SMARCD2: variants seen among roughly 807,000 people sequenced by gnomAD.
SMARCD2 encodes the protein SWI/SNF related BAF chromatin remodeling complex subunit D2.
Under a neutral mutation model 70.4 loss-of-function variants are expected in SMARCD2, and 39 were observed. The observed-to-expected ratio is 0.55, with a 90% CI of 0.43 to 0.72. The LOEUF is 0.72. Among genes scored for constraint, SMARCD2 ranks in the 30% least tolerant of loss-of-function variants. The pLI, the probability that SMARCD2 is intolerant of heterozygous loss-of-function variation, is 0.00. For missense variants in SMARCD2, 540 were observed against 713.4 expected (o/e 0.76, Z 2.77); for synonymous variants, 249 against 279.4 (o/e 0.89, Z 1.08).
chr17:63,833,883 C>T lies in SMARCD2; in HGVS notation c.1181+26G>A. ...AGGGTGAATCTGCTCTTAGAAGAGC[C>T]TTCCTGTCCCCCTCCTTGCATTTAC... On this transcript the variant is annotated intron_variant, in intron 9 of 12. Coordinates refer to ENST00000448276, the MANE Select transcript of SMARCD2 (RefSeq NM_001098426.2). This position sits in a 1 kb window ranked among gnomAD's most constrained non-coding sequence, Gnocchi z 4.3. 2.5e-6 allele frequency: 4 copies of T among 1,568,758 alleles called. No homozygotes were observed. Among genetic ancestry groups the T allele is most frequent in the Non-Finnish European group, 3.5e-6 (4 of 1,139,338 alleles).
chr17:63,840,481 GT>G (rs1322379376), intron 1 of SMARCD2, among the ~76,000 whole-genome samples: 1 of 151,868 alleles, frequency 6.6e-6, no homozygotes, highest in East Asian at 1.9e-4. Context: ...TGCCCTGGAG[GT>G]TTTTTTCTTT....
chr17:63,833,211 C>T lies in SMARCD2; in HGVS notation c.1441-41G>A, dbSNP rs751171886. On this transcript the variant is annotated intron_variant, in intron 11 of 12. Coordinates refer to ENST00000448276, the MANE Select transcript of SMARCD2 (RefSeq NM_001098426.2). This position sits in a 1 kb window ranked among gnomAD's most constrained non-coding sequence, Gnocchi z 4.3. ...AGGAAAGCCATAGCATAATCCCCACCCCTGGGCTAATCCACCCTGGGAACT... is the reference window on the plus strand; with the variant it reads ...AGGAAAGCCATAGCATAATCCCCACTCCTGGGCTAATCCACCCTGGGAACT... 5.6e-6 allele frequency: 9 copies of T among 1,610,476 alleles called. No homozygotes were observed. The highest frequency in any genetic ancestry group is 6.8e-6 in the Non-Finnish European group (8 of 1,177,518).
At position 63,835,417 on chromosome 17, in the gene SMARCD2, C is replaced by T; in HGVS notation, c.718G>A (p.Asp240Asn). The change falls in exon 5 of 13, where the codon GAT (aspartate) becomes AAT (asparagine). Residue 240 changes from aspartate to asparagine, a missense_variant. Physicochemically the swap from Asp to Asn is conservative, Grantham distance 23. Transcript: ENST00000448276. ...WELRVEGKLL[D>N]DPSKQKRKFS... The stretch of plus-strand genomic sequence containing the variant: ...AACCTCCCTCCCCAACTCACATCAT[C>T]CAGCAGTTTTCCTTCCACTCGGAGT... 1 of 1,613,076 alleles carries T rather than the reference C, an allele frequency of 6.2e-7. No homozygotes were observed. Among genetic ancestry groups the T allele is most frequent in the Non-Finnish European group, 8.5e-7 (1 of 1,179,318 alleles).
chr17:63,836,597 C>A, intron 4 of SMARCD2: 1 of 186,414 alleles, frequency 5.4e-6, no homozygotes, highest in Non-Finnish European at 1.1e-5. Flanking sequence ...GGTTTTCAAA[C>A]TTTTGACCAC....
rs781146536 is a variant in SMARCD2, at chr17:63,834,303, C to T, written c.947G>A (p.Arg316Gln). The T allele has an allele frequency of 4.3e-6, 7 of 1,612,264 alleles. No homozygotes were observed. The highest frequency in any genetic ancestry group is 2.7e-5 in the African/African-American group (2 of 74,896). The change falls in exon 8 of 13, where the codon CGA (arginine) becomes CAA (glutamine). Residue 316 changes from arginine to glutamine, a missense_variant. Physicochemically the swap from Arg to Gln is conservative, Grantham distance 43. Transcript: ENST00000448276. This position sits in a 1 kb window ranked among gnomAD's most constrained non-coding sequence, Gnocchi z 5.6. ...GTGCACTCCCAGCAGCCTTGCCAATCGGGGGTCCAATTTGTACTGGGGAGG... is the reference window on the plus strand; with the variant it reads ...GTGCACTCCCAGCAGCCTTGCCAATTGGGGGTCCAATTTGTACTGGGGAGG... Reference protein sequence around the residue: ...HQPPQYKLDPRLARLLGVHTQ... With the variant: ...HQPPQYKLDPQLARLLGVHTQ...
intron 1 of SMARCD2, among the ~76,000 whole-genome samples, chr17:63,839,687 G>A (rs2144638559): frequency 6.6e-6 from 1 of 151,994 alleles, no homozygotes; most frequent in East Asian, 1.9e-4. Flanking sequence ...GACCAGGTAG[G>A]CCTGGATCAA....
At position 63,833,048 on chromosome 17, in the gene SMARCD2, G is replaced by A; in HGVS notation, c.1542+21C>T. The A allele has an allele frequency of 6.3e-7, 1 of 1,587,838 alleles. No individual in the cohort carries two copies. The highest frequency in any genetic ancestry group is 8.6e-7 in the Non-Finnish European group (1 of 1,167,708). ...CTTTGCTACTCACGGCCAAAGGAGG[G>A]AAAACAGGGCAGAGCCTCACCTTGG... On this transcript the variant is annotated intron_variant, in intron 12 of 12. Coordinates refer to ENST00000448276, the MANE Select transcript of SMARCD2 (RefSeq NM_001098426.2). The surrounding 1 kb of genome is among the most constrained non-coding windows in gnomAD (Gnocchi z 4.3).
At position 63,834,594 on chromosome 17, in the gene SMARCD2, T is replaced by A; in HGVS notation, c.820-19A>T. 1 of 1,589,216 alleles carries A rather than the reference T, an allele frequency of 6.3e-7. No homozygotes were observed. Among genetic ancestry groups the A allele is most frequent in the Non-Finnish European group, 8.6e-7 (1 of 1,161,096 alleles). On this transcript the variant is annotated intron_variant, in intron 6 of 12. Coordinates refer to ENST00000448276, the MANE Select transcript of SMARCD2 (RefSeq NM_001098426.2). The surrounding 1 kb of genome is among the most constrained non-coding windows in gnomAD (Gnocchi z 5.6). ...GGTGCCACTGGCAGGGAGGGAAGCATGGCTTATCACCAAGGGGGTGGGCGT... is the reference window on the plus strand; with the variant it reads ...GGTGCCACTGGCAGGGAGGGAAGCAAGGCTTATCACCAAGGGGGTGGGCGT...
rs1448496574 is a variant in SMARCD2, at chr17:63,837,206, G to C, written c.433C>G (p.Leu145Val). 1 of 1,613,730 alleles carries C rather than the reference G, an allele frequency of 6.2e-7. No homozygotes were observed. Among genetic ancestry groups the C allele is most frequent in the Non-Finnish European group, 8.5e-7 (1 of 1,179,852 alleles). Reference sequence around the variant, plus strand: ...CTCTTAACACTTACTCGCTGAGGTAGAACCTTATCTGCCATCTTCCTCCTC... The same window carrying C: ...CTCTTAACACTTACTCGCTGAGGTACAACCTTATCTGCCATCTTCCTCCTC... Reference protein sequence around the residue: ...LKRRKMADKVLPQRIRELVPE... With the variant: ...LKRRKMADKVVPQRIRELVPE... Residue 145 changes from leucine to valine, a missense_variant, in exon 3 of 13, where the codon CTA becomes GTA. Leu to Val is a conservative substitution (Grantham distance 32). Coordinates refer to ENST00000448276, the MANE Select transcript of SMARCD2 (RefSeq NM_001098426.2). This position sits in a 1 kb window ranked among gnomAD's most constrained non-coding sequence, Gnocchi z 6.4.
intron 1 of SMARCD2, 125 bp downstream of exon 1, chr17:63,842,334 C>T (rs1567764981): frequency 8.4e-7 from 1 of 1,188,284 alleles, no homozygotes; most frequent in Non-Finnish European, 1.0e-6. Flanking sequence ...CCCGGCCCGC[C>T]CTCCACCGTC....
rs1344219638 is a variant in SMARCD2, at chr17:63,832,732, C to G, written c.*206G>C. 5 of 602,078 alleles carry G rather than the reference C, an allele frequency of 8.3e-6. No individual in the cohort carries two copies. In the South Asian group the frequency reaches 9.9e-5, roughly 12 times the overall value. The allele number at this position is 602,078 out of a possible 1,614,324, so 37.3% of individuals were successfully genotyped here. On this transcript the variant is annotated 3_prime_UTR_variant, in exon 13 of 13. Coordinates refer to ENST00000448276, the MANE Select transcript of SMARCD2 (RefSeq NM_001098426.2). ...GGGGGCAGAGGAGGCATCTGCTGAA[C>G]CCAATTAAAGCCAATGCAAAAAGTA...
At position 63,832,888 on chromosome 17, in the gene SMARCD2, G is replaced by A. The variant is rs781664384; in HGVS notation, c.*50C>T. 1.8e-5 allele frequency: 27 copies of A among 1,520,112 alleles called. No homozygotes were observed. The South Asian group carries it at 3.2e-4, about 18-fold the overall frequency. 94.2% of individuals were successfully genotyped at this position (1,520,112 alleles called of 1,614,324 possible). On this transcript the variant is annotated 3_prime_UTR_variant, in exon 13 of 13. Coordinates refer to ENST00000448276, the MANE Select transcript of SMARCD2 (RefSeq NM_001098426.2). ...TCTGCGGCCCCAGCAAGGACCCAGA[G>A]GGTGGTCTCCCTCCAGGCTCCAGGG... is the stretch of plus-strand genomic sequence containing the variant.
In SMARCD2 at chr17:63,833,583, C is replaced by T; in HGVS notation, c.1317+4G>A. The T allele has an allele frequency of 6.2e-7, 1 of 1,613,990 alleles. No homozygotes were observed. The highest frequency in any genetic ancestry group is 8.5e-7 in the Non-Finnish European group (1 of 1,179,874). ...AGAGGAAGCTGTGGAGCCAGAGGGC[C>T]CACCTTGACATCAAGGGAGGCGATC... On this transcript the variant is annotated splice_donor_region_variant and intron_variant, in intron 10 of 12. Transcript: ENST00000448276. The surrounding 1 kb of genome is among the most constrained non-coding windows in gnomAD (Gnocchi z 4.3).
chr17:63,833,774 A>G lies in SMARCD2; in HGVS notation c.1182-52T>C. The G allele has an allele frequency of 6.2e-7, 1 of 1,610,500 alleles. No individual in the cohort carries two copies. The highest frequency in any genetic ancestry group is 8.5e-7 in the Non-Finnish European group (1 of 1,176,962). On this transcript the variant is annotated intron_variant, in intron 9 of 12. Coordinates refer to ENST00000448276, the MANE Select transcript of SMARCD2 (RefSeq NM_001098426.2). The surrounding 1 kb of genome is among the most constrained non-coding windows in gnomAD (Gnocchi z 4.3). ...GCACATAGCTGACTTCATCCTGCCC[A>G]CCTGGGCCAAATCTGGGGCCCATTC...
intron 1 of SMARCD2, 176 bp downstream of exon 1, chr17:63,842,283 C>A (rs28463311): frequency 9.2e-7 from 1 of 1,090,286 alleles, no homozygotes; most frequent in East Asian, 4.4e-5. Flanking sequence ...ACCTGCTTCC[C>A]CTTCCCACTT....
chr17:63,838,935 T>G, intron 1 of SMARCD2: 1 of 985,202 alleles, frequency 1.0e-6, no homozygotes, highest in Non-Finnish European at 1.2e-6. Flanking sequence ...CTTGACCAGA[T>G]GCGGAGATGG....
Position 63,837,314 on chromosome 17 carries a change from T to C in SMARCD2, c.402-77A>G. On this transcript the variant is annotated intron_variant, in intron 2 of 12. Transcript: ENST00000448276. This position sits in a 1 kb window ranked among gnomAD's most constrained non-coding sequence, Gnocchi z 6.4. ...TCACTCCCATAACGCCCCTCCAGTCTCCAGGACCCTCTCCCCCAGGAGAGC... is the reference window on the plus strand; with the variant it reads ...TCACTCCCATAACGCCCCTCCAGTCCCCAGGACCCTCTCCCCCAGGAGAGC... The C allele has an allele frequency of 6.5e-7, 1 of 1,538,192 alleles. No individual in the cohort carries two copies. The highest frequency in any genetic ancestry group is 9.0e-7 in the Non-Finnish European group (1 of 1,111,208).
In SMARCD2 at chr17:63,833,090, T is replaced by C; in HGVS notation, c.1521A>G (p.Val507=). ...TCACCTTGGCAAAGATGTGCCTGCCTACTGCTTCCTGGGCCCAGGGCTGGT... is the reference window on the plus strand; with the variant it reads ...TCACCTTGGCAAAGATGTGCCTGCCCACTGCTTCCTGGGCCCAGGGCTGGT... ...FYHQPWAQEA[V]GRHIFAKVQQ... Residue 507 remains valine, a synonymous_variant, in exon 12 of 13, where the codon GTA becomes GTG. Coordinates refer to ENST00000448276, the MANE Select transcript of SMARCD2 (RefSeq NM_001098426.2). This position sits in a 1 kb window ranked among gnomAD's most constrained non-coding sequence, Gnocchi z 4.3. The C allele has an allele frequency of 6.2e-7, 1 of 1,601,416 alleles. No homozygotes were observed. The highest frequency in any genetic ancestry group is 1.1e-5 in the South Asian group (1 of 88,796).
Position 63,834,020 on chromosome 17 carries a change from G to A in SMARCD2, c.1084-14C>T, listed in dbSNP as rs747086576. ...ACAACTGAAGATCTGGAGGAAATAC[G>A]AAAGGCTCAGCGTTGGCTTGTGGGC... On this transcript the variant is annotated splice_polypyrimidine_tract_variant and intron_variant, in intron 8 of 12. Coordinates refer to ENST00000448276, the MANE Select transcript of SMARCD2 (RefSeq NM_001098426.2). This position sits in a 1 kb window ranked among gnomAD's most constrained non-coding sequence, Gnocchi z 5.6. 9.9e-6 allele frequency: 16 copies of A among 1,609,890 alleles called. No homozygotes were observed. The highest frequency in any genetic ancestry group is 1.3e-5 in the African/African-American group (1 of 74,856).
Sources: allele counts gnomAD v4.1 joint callset (sites outside exome capture counted in the v4.1 genomes callset), GRCh38; gene constraint gnomAD v4.1.1; non-coding constraint Gnocchi (gnomAD v3.1); transcripts MANE v1.5; gene names NCBI Gene and HGNC (gene_info 2026-07-23, HGNC 2026-07-21).